JAKMIP1: variants seen among roughly 807,000 people sequenced by gnomAD.
The protein encoded by JAKMIP1 is janus kinase and microtubule interacting protein 1, also known as janus kinase and microtubule-interacting protein 1.
A neutral mutation model predicts 113.0 loss-of-function variants in JAKMIP1; 33 were observed. That is an observed-to-expected ratio of 0.29 (90% CI 0.22 to 0.39). The LOEUF is 0.39. JAKMIP1 is among the 10% of genes least tolerant of loss of function. JAKMIP1 has a pLI of 1.00. For missense variants in JAKMIP1, 813 were observed against 1,080.5 expected (o/e 0.75, Z 3.47); for synonymous variants, 480 against 459.9 (o/e 1.04, Z -0.56).
At chr4:6,028,136 C>T (rs1712102764) in intron 20 of JAKMIP1, among the ~76,000 whole-genome samples, 1 of 152,244 alleles carries the variant, frequency 6.6e-6, no homozygotes. Context: ...CTCTCTGGGC[C>T]TACCTGGGCA....
At chr4:6,175,872 T>A (rs1359365059) in intron 1 of JAKMIP1, among the ~76,000 whole-genome samples, 1 of 152,212 alleles carries the variant, frequency 6.6e-6, no homozygotes, top group Non-Finnish European at 1.5e-5. Flanking sequence ...TCTTGACCCA[T>A]CAAGGCCCTT....
At chr4:6,090,922 T>G (rs1721984704) in intron 3 of JAKMIP1, among the ~76,000 whole-genome samples, 1 of 152,164 alleles carries the variant, frequency 6.6e-6, no homozygotes. Flanking sequence ...AACCCCACGT[T>G]GACCATGACT....
intron 16 of JAKMIP1, among the ~76,000 whole-genome samples, chr4:6,043,016 C>T (rs1022441522): frequency 3.9e-5 from 6 of 151,922 alleles, no homozygotes; most frequent in South Asian, 2.1e-4. Flanking sequence ...TGTGCCTCTA[C>T]GAGGAGCCCC....
Position 6,185,412 on chromosome 4 carries a change from C to G in JAKMIP1, c.-148+14841G>C, listed in dbSNP as rs1187311688. On this transcript the variant is annotated intron_variant, in intron 1 of 20. Coordinates refer to ENST00000409021, the MANE Select transcript of JAKMIP1 (RefSeq NM_001099433.2). The surrounding 1 kb of genome is among the most constrained non-coding windows in gnomAD (Gnocchi z 5.3). ...CCTGTAATCCCAGCACTTTGGGAGG[C>G]CGAGGTGGGCGGATCATGAGGTCAG... is the stretch of plus-strand genomic sequence containing the variant. Among the ~76,000 whole-genome samples, 1 of 152,162 alleles carries G rather than the reference C, an allele frequency of 6.6e-6. No individual in the cohort carries two copies. The highest frequency in any genetic ancestry group is 6.5e-5 in the Admixed American group (1 of 15,286).
rs1726262713 is a variant in JAKMIP1 at position 6,183,376 on chromosome 4, G to T, written c.-148+16877C>A. On this transcript the variant is annotated intron_variant, in intron 1 of 20. Coordinates refer to ENST00000409021, the MANE Select transcript of JAKMIP1 (RefSeq NM_001099433.2). The surrounding 1 kb of genome is among the most constrained non-coding windows in gnomAD (Gnocchi z 5.3). ...TGCCTGTAATACCAACTACTTGGGA[G>T]GCCGAGGCAGGAGAGTCGCTTGAAC... Among the ~76,000 whole-genome samples, 2 of 151,918 alleles carry T rather than the reference G, an allele frequency of 1.3e-5. No homozygotes were observed. The highest frequency in any genetic ancestry group is 4.2e-4 in the South Asian group (2 of 4,800).
At chr4:6,096,077 A>T (rs1578217534) in intron 3 of JAKMIP1, among the ~76,000 whole-genome samples, 1 of 152,116 alleles carries the variant, frequency 6.6e-6, no homozygotes, top group East Asian at 1.9e-4. Flanking sequence ...CGGTGCAAAG[A>T]TCGGGGCTGG....
At position 6,105,675 on chromosome 4, in the gene JAKMIP1, C is replaced by A. The variant is rs770405421; in HGVS notation, c.422G>T (p.Arg141Leu). 1 of 1,601,606 alleles carries A rather than the reference C, an allele frequency of 6.2e-7. No homozygotes were observed. Among genetic ancestry groups the A allele is most frequent in the South Asian group, 1.1e-5 (1 of 89,944 alleles). Residue 141 changes from arginine to leucine, a missense_variant, in exon 3 of 21, where the codon CGC becomes CTC. Arg to Leu is a moderately radical substitution (Grantham distance 102). Coordinates refer to ENST00000409021, the MANE Select transcript of JAKMIP1 (RefSeq NM_001099433.2). ...CAGGCGCTCTCCATCGAAGGCCCTG[C>A]GCGCCTCCTCGCGCGCCTCGGTCAG... ...ALLTEAREEARRAFDGERLRL... is the reference protein window; with the variant it reads ...ALLTEAREEALRAFDGERLRL...
rs1268385375 is a variant in JAKMIP1, at chr4:6,044,506, T to C, written c.2029-2279A>G. On this transcript the variant is annotated intron_variant, in intron 16 of 20. Coordinates refer to ENST00000409021, the MANE Select transcript of JAKMIP1 (RefSeq NM_001099433.2). This position sits in a 1 kb window ranked among gnomAD's most constrained non-coding sequence, Gnocchi z 4.4. ...CTGTGCCAGCCGCGGTGGCCAGCAC[T>C]TCCTCAAACAAGGCTCAGACAAGAT... Among the ~76,000 whole-genome samples the C allele has an allele frequency of 6.6e-6, 1 of 152,170 alleles. No homozygotes were observed. Among genetic ancestry groups the C allele is most frequent in the Non-Finnish European group, 1.5e-5 (1 of 68,034 alleles).
intron 1 of JAKMIP1, among the ~76,000 whole-genome samples, chr4:6,131,688 C>T (rs1718537102): frequency 2.0e-5 from 3 of 152,326 alleles, no homozygotes. Flanking sequence ...CCAGATGGTG[C>T]CACTGCACTC....
rs1315241679 is a variant in JAKMIP1, at chr4:6,184,853, A to G, written c.-148+15400T>C. 6.6e-6 allele frequency among the ~76,000 whole-genome samples: 1 copy of G among 152,184 alleles called. No homozygotes were observed. Among genetic ancestry groups the G allele is most frequent in the Non-Finnish European group, 1.5e-5 (1 of 68,024 alleles). On this transcript the variant is annotated intron_variant, in intron 1 of 20. Coordinates refer to ENST00000409021, the MANE Select transcript of JAKMIP1 (RefSeq NM_001099433.2). This position sits in a 1 kb window ranked among gnomAD's most constrained non-coding sequence, Gnocchi z 4.5. Reference sequence around the variant, plus strand: ...CACATTTCAGTCAGTGGACTGGGAGAGGCAGACCTGCCCTCGGTGTGGGTG... The same window carrying G: ...CACATTTCAGTCAGTGGACTGGGAGGGGCAGACCTGCCCTCGGTGTGGGTG...
intron 1 of JAKMIP1, among the ~76,000 whole-genome samples, chr4:6,132,468 C>A (rs111803230): frequency 0.17 from 25,487 of 151,678 alleles, 2,454 homozygotes; most frequent in Middle Eastern, 0.26. Context: ...ATGGTGAAAC[C>A]CCGTCTCTAC....
Position 6,041,799 on chromosome 4 carries a change from G to A in JAKMIP1, c.2097+360C>T, listed in dbSNP as rs529427192. ...CACTGCGCCAGCATTTCCATATCTG[G>A]GCTGTGTCTCTCCTAACATCCTCAT... On this transcript the variant is annotated intron_variant, in intron 17 of 20. Coordinates refer to ENST00000409021, the MANE Select transcript of JAKMIP1 (RefSeq NM_001099433.2). 8.5e-5 allele frequency among the ~76,000 whole-genome samples: 13 copies of A among 152,194 alleles called. No homozygotes were observed. In the East Asian group the frequency reaches 1.4e-3, roughly 16 times the overall value.
chr4:6,061,312 G>C lies in JAKMIP1; in HGVS notation c.1561-805C>G, dbSNP rs1305232517. Among the ~76,000 whole-genome samples the C allele has an allele frequency of 6.6e-6, 1 of 152,156 alleles. No homozygotes were observed. Among genetic ancestry groups the C allele is most frequent in the Non-Finnish European group, 1.5e-5 (1 of 68,022 alleles). On this transcript the variant is annotated intron_variant, in intron 10 of 20. Transcript: ENST00000409021. This position sits in a 1 kb window ranked among gnomAD's most constrained non-coding sequence, Gnocchi z 5.3. ...GATGACAAAGACTGGGCCTTTTATG[G>C]TGGGACAAGCAGCTTCCCTCCCTGC...
chr4:6,035,155 G>A (rs899869079), intron 19 of JAKMIP1, among the ~76,000 whole-genome samples: 9 of 151,238 alleles, frequency 6.0e-5, no homozygotes, highest in East Asian at 3.9e-4. Flanking sequence ...CTCTCTGCCC[G>A]CATCCCCCTT....
intron 11 of JAKMIP1, 111 bp from the exon 12 acceptor site, chr4:6,056,870 T>A: frequency 5.2e-6 from 4 of 762,448 alleles, no homozygotes; most frequent in Non-Finnish European, 4.6e-6. Flanking sequence ...GGAAAGGTCA[T>A]AAAAAATGAC....
At chr4:6,073,183 C>A (rs1719230174) in intron 8 of JAKMIP1, among the ~76,000 whole-genome samples, 1 of 152,082 alleles carries the variant, frequency 6.6e-6, no homozygotes, top group Non-Finnish European at 1.5e-5. Flanking sequence ...CAGGCTTGGC[C>A]TCAGGGGTGT....
In JAKMIP1 at chr4:6,097,134, TG is replaced by T. The variant is rs755724670; in HGVS notation, c.624+8338del. 2.0e-5 allele frequency among the ~76,000 whole-genome samples: 3 copies of T among 152,194 alleles called. 1 individual carries two copies. Among genetic ancestry groups the T allele is most frequent in the African/African-American group, 4.8e-5 (2 of 41,442 alleles). ...CTCCCACCTGGGCCTCCTGAGTAGC[TG>T]GGACTACAGGGGTATGCCACCATGT... On this transcript the variant is annotated intron_variant, in intron 3 of 20. Coordinates refer to ENST00000409021, the MANE Select transcript of JAKMIP1 (RefSeq NM_001099433.2). The surrounding 1 kb of genome is among the most constrained non-coding windows in gnomAD (Gnocchi z 4.3).
intron 1 of JAKMIP1, among the ~76,000 whole-genome samples, chr4:6,198,736 C>G (rs1197906654): frequency 6.6e-6 from 1 of 152,178 alleles, no homozygotes; most frequent in African/African-American, 2.4e-5. Context: ...TGGAAATGCC[C>G]TGCTAGGAAA....
At chr4:6,171,140 A>G (rs1433392109) in intron 1 of JAKMIP1, among the ~76,000 whole-genome samples, 1 of 145,868 alleles carries the variant, frequency 6.9e-6, no homozygotes, top group Non-Finnish European at 1.5e-5. Context: ...CATCACCAGC[A>G]CCACCATCAT....
Sources: gnomAD v4.1 joint callset for allele counts (sites outside exome capture counted in the v4.1 genomes callset) on GRCh38, gnomAD v4.1.1 for gene constraint, Gnocchi (gnomAD v3.1) non-coding constraint, MANE v1.5 for transcripts, NCBI Gene and HGNC (gene_info 2026-07-23, HGNC 2026-07-21) for gene names.